The following KANSL1L variants were observed in gnomAD, a reference collection of about 807,000 sequenced individuals.
The protein encoded by KANSL1L is KAT8 regulatory NSL complex subunit 1-like protein.
A neutral mutation model predicts 108.6 loss-of-function variants in KANSL1L; 25 were observed. The observed-to-expected ratio is 0.23, with a 90% CI of 0.17 to 0.32. The LOEUF is 0.32. Among genes scored for constraint, KANSL1L ranks in the 10% least tolerant of loss-of-function variants. The pLI, the probability that KANSL1L is intolerant of heterozygous loss-of-function variation, is 1.00. For missense variants in KANSL1L, 1,137 were observed against 1,125.7 expected (o/e 1.01, Z -0.14); for synonymous variants, 405 against 395.1 (o/e 1.03, Z -0.30).
chr2:210,142,203 A>G (rs2095235530), intron 2 of KANSL1L, among the ~76,000 whole-genome samples: 1 of 151,694 alleles, frequency 6.6e-6, no homozygotes, highest in Admixed American at 6.6e-5. Flanking sequence ...GGTTAGTTCC[A>G]ATTTTCTATT....
intron 3 of KANSL1L, among the ~76,000 whole-genome samples, chr2:210,111,917 T>G (rs985091664): frequency 8.9e-5 from 12 of 134,152 alleles, no homozygotes; most frequent in Non-Finnish European, 1.4e-4. Context: ...TGGTGTGTGA[T>G]GTTCCCCTTC....
At chr2:210,109,952 G>T (rs1383847192) in intron 3 of KANSL1L, among the ~76,000 whole-genome samples, 1 of 152,086 alleles carries the variant, frequency 6.6e-6, no homozygotes, top group Non-Finnish European at 1.5e-5. Flanking sequence ...GCGTCCTAAG[G>T]ACTGGTTTAA....
At position 210,023,057 on chromosome 2, in the gene KANSL1L, G is replaced by A. The variant is rs764967941; in HGVS notation, c.2856C>T (p.Phe952=). The stretch of plus-strand genomic sequence containing the variant: ...GGCCATTCTCTGGTACACTGGTACC[G>A]AAGATTTCACCATGGAAAGCTGTGC... The part of the protein sequence containing the change: ...RSSTAFHGEI[F]GTSVPENGHH... The change falls in exon 15 of 15, where the codon TTC becomes TTT. Residue 952 remains phenylalanine, a synonymous_variant. Coordinates refer to ENST00000281772, the MANE Select transcript of KANSL1L (RefSeq NM_152519.4). The A allele has an allele frequency of 5.1e-5, 82 of 1,613,546 alleles. No individual in the cohort carries two copies. Among genetic ancestry groups the A allele is most frequent in the Non-Finnish European group, 6.4e-5 (75 of 1,179,726 alleles).
chr2:210,055,128 T>C (rs562081516), intron 6 of KANSL1L, among the ~76,000 whole-genome samples: 1 of 152,354 alleles, frequency 6.6e-6, no homozygotes, highest in South Asian at 2.1e-4. Flanking sequence ...CATGCTGCTG[T>C]TCTTGTGAAT....
chr2:210,070,224 CTTT>C (rs71043971), intron 6 of KANSL1L, among the ~76,000 whole-genome samples: 548 of 77,482 alleles, frequency 7.1e-3, no homozygotes, highest in African/African-American at 0.028. Flanking sequence ...TTTCTCCGTT[CTTT>C]TTTTTTTTTT....
intron 13 of KANSL1L, among the ~76,000 whole-genome samples, chr2:210,024,490 C>T (rs939005945): frequency 3.3e-5 from 5 of 152,012 alleles, no homozygotes; most frequent in Non-Finnish European, 5.9e-5. Flanking sequence ...ATGAAAGATG[C>T]TCCTTAACTA....
chr2:210,027,535 G>A (rs2093954496), intron 11 of KANSL1L, among the ~76,000 whole-genome samples, 185 bp from the exon 12 acceptor site: 1 of 152,156 alleles, frequency 6.6e-6, no homozygotes, highest in Non-Finnish European at 1.5e-5. Context: ...AAGAGAAAAT[G>A]AGACTTTATT....
chr2:210,166,003 T>C (rs746730030), intron 1 of KANSL1L, among the ~76,000 whole-genome samples: 2 of 152,184 alleles, frequency 1.3e-5, no homozygotes, highest in Admixed American at 6.5e-5. Context: ...AACTTGATCA[T>C]ATGTATGTAT....
intron 2 of KANSL1L, among the ~76,000 whole-genome samples, chr2:210,131,257 G>T (rs748865380): frequency 6.6e-6 from 1 of 152,236 alleles, no homozygotes; most frequent in Non-Finnish European, 1.5e-5. Context: ...AGCCTATTCT[G>T]ACTAAAACAC....
intron 6 of KANSL1L, among the ~76,000 whole-genome samples, chr2:210,052,886 GC>G (rs992312182): frequency 2.0e-5 from 3 of 152,222 alleles, no homozygotes; most frequent in African/African-American, 7.2e-5. Context: ...ATATGCCTCT[GC>G]TATTGTACAT....
intron 2 of KANSL1L, among the ~76,000 whole-genome samples, chr2:210,146,272 T>TAA (rs2095265217): frequency 1.3e-5 from 2 of 152,296 alleles, no homozygotes; most frequent in East Asian, 3.9e-4. Context: ...AATTCATACT[T>TAA]AAACATTTGA....
intron 8 of KANSL1L, among the ~76,000 whole-genome samples, chr2:210,036,178 C>T (rs1462121059): frequency 6.6e-6 from 1 of 151,874 alleles, no homozygotes; most frequent in Non-Finnish European, 1.5e-5. Flanking sequence ...TTATTTATAT[C>T]TTCTTTATAT....
At chr2:210,051,090 A>G (rs1227601460) in intron 6 of KANSL1L, among the ~76,000 whole-genome samples, 1 of 152,092 alleles carries the variant, frequency 6.6e-6, no homozygotes. Flanking sequence ...GGATCACTTG[A>G]GCCTTTAACA....
intron 8 of KANSL1L, among the ~76,000 whole-genome samples, chr2:210,036,722 A>G (rs117370458): frequency 9.2e-5 from 14 of 152,124 alleles, no homozygotes; most frequent in Admixed American, 9.2e-4. Context: ...TTATTTATGC[A>G]TTCCCCTTAA....
chr2:210,078,639 T>C (rs1192986969), intron 5 of KANSL1L, among the ~76,000 whole-genome samples: 1 of 152,260 alleles, frequency 6.6e-6, no homozygotes, highest in Admixed American at 6.5e-5. Context: ...AAATGGTTAT[T>C]GTAAACCACT....
intron 5 of KANSL1L, chr2:210,097,704 G>A (rs2094750835): frequency 6.5e-6 from 1 of 152,964 alleles, no homozygotes; most frequent in South Asian, 2.0e-4. Flanking sequence ...AATGTTCTGT[G>A]CCTAAACTAT....
intron 7 of KANSL1L, among the ~76,000 whole-genome samples, chr2:210,042,409 T>G (rs990396152): frequency 6.6e-6 from 1 of 152,182 alleles, no homozygotes; most frequent in Non-Finnish European, 1.5e-5. Flanking sequence ...CATAAGAGTC[T>G]TAGGATAAAG....
chr2:210,101,232 C>T (rs1457960936), intron 4 of KANSL1L, among the ~76,000 whole-genome samples: 4 of 152,096 alleles, frequency 2.6e-5, no homozygotes, highest in South Asian at 4.1e-4. Flanking sequence ...CCAGGCTGAG[C>T]GCAGATGGAG....
intron 2 of KANSL1L, among the ~76,000 whole-genome samples, chr2:210,141,125 C>CCCTCCTTCCTT (rs2095224030): frequency 6.6e-6 from 1 of 151,652 alleles, no homozygotes; most frequent in Non-Finnish European, 1.5e-5. Context: ...TCCCCTCACT[C>CCCTCCTTCCTT]CCTCCTTCCT....
Sources: allele counts gnomAD v4.1 joint callset (sites outside exome capture counted in the v4.1 genomes callset), GRCh38; gene constraint gnomAD v4.1.1; transcripts MANE v1.5; gene names NCBI Gene and HGNC (gene_info 2026-07-23, HGNC 2026-07-21).